The following ROBO2 variants were observed in gnomAD, a reference collection of about 807,000 sequenced individuals.
The protein encoded by ROBO2 is roundabout guidance receptor 2, also known as roundabout homolog 2.
Under a neutral mutation model 160.8 loss-of-function variants are expected in ROBO2, and 53 were observed. The ratio of observed to expected loss-of-function variants is 0.33; its 90% CI spans 0.26 to 0.41. The LOEUF (loss-of-function observed/expected upper bound fraction) is 0.41. Ranked by LOEUF, ROBO2 falls within the 10% of genes least tolerant of loss-of-function variation. The pLI, the probability that ROBO2 is intolerant of heterozygous loss-of-function variation, is 1.00. For missense variants in ROBO2, 1,577 were observed against 1,722.4 expected, an observed-to-expected ratio of 0.92 and a Z score of 1.49; for synonymous variants, 664 against 611.7, an observed-to-expected ratio of 1.09 and a Z score of -1.26.
At chr3:77,579,799 T>G in intron 15 of ROBO2, 148 bp from the exon 17 acceptor site, 1 of 674,802 alleles carries the variant, frequency 1.5e-6, no homozygotes, top group Non-Finnish European at 2.6e-6. Context: ...CTGCAGAGGT[T>G]GGGCTTTAGA....
At chr3:76,679,411 A>T (rs1437610085) in intron 2 of ROBO2, among the ~76,000 whole-genome samples, 1 of 152,076 alleles carries the variant, frequency 6.6e-6, no homozygotes, top group East Asian at 1.9e-4. Context: ...TCTGAGTTAC[A>T]CTGAACTTTT....
intron 2 of ROBO2, among the ~76,000 whole-genome samples, chr3:76,069,622 CT>C (rs34954573): frequency 0.62 from 94,318 of 151,084 alleles, 30,021 homozygotes; most frequent in African/African-American, 0.75. Context: ...AATACCTACA[CT>C]TTTTTTTTAA....
intron 2 of ROBO2, among the ~76,000 whole-genome samples, chr3:77,229,159 G>A (rs2086852911): frequency 6.6e-6 from 1 of 152,120 alleles, no homozygotes; most frequent in Non-Finnish European, 1.5e-5. Flanking sequence ...ATTGGTTATT[G>A]GGAGGGAGAT....
intron 2 of ROBO2, among the ~76,000 whole-genome samples, chr3:76,707,215 T>C (rs1013813721): frequency 7.2e-5 from 11 of 152,070 alleles, no homozygotes; most frequent in African/African-American, 2.7e-4. Flanking sequence ...TTCCCTGGCA[T>C]AACACCAGTA....
At chr3:76,224,207 G>A (rs778098575) in intron 2 of ROBO2, among the ~76,000 whole-genome samples, 4 of 152,186 alleles carry the variant, frequency 2.6e-5, no homozygotes, top group Non-Finnish European at 5.9e-5. Context: ...TTGAGAATGA[G>A]TTTTCTGAAT....
intron 2 of ROBO2, among the ~76,000 whole-genome samples, chr3:76,059,430 T>C (rs62267252): frequency 0.098 from 14,976 of 152,326 alleles, 1,001 homozygotes; most frequent in Non-Finnish European, 0.14. Context: ...ATGTGTTTTC[T>C]GGCTGCATAA....
At chr3:77,014,515 A>G (rs2062115088) in intron 2 of ROBO2, among the ~76,000 whole-genome samples, 2 of 152,192 alleles carry the variant, frequency 1.3e-5, no homozygotes, top group South Asian at 4.1e-4. Context: ...AGCAGTTTTC[A>G]CACTCACTTT....
In ROBO2 at chr3:76,455,370, C is replaced by A. The variant is rs76106337; in HGVS notation, c.109+517768C>A. On this transcript the variant is annotated intron_variant, in intron 2 of 26. Coordinates refer to the ROBO2 transcript ENST00000487694. ...CATTCTCATTATTTGTTTTATAATT[C>A]TTTTTCATATGGTGTCAGTGTTATC... is the stretch of plus-strand genomic sequence containing the variant. Among the ~76,000 whole-genome samples the A allele has an allele frequency of 2.0e-4, 31 of 152,094 alleles. No individual in the cohort carries two copies. In the East Asian group the frequency reaches 4.8e-3, roughly 24 times the overall value.
intron 2 of ROBO2, among the ~76,000 whole-genome samples, chr3:76,970,077 C>T (rs974376344): frequency 7.2e-5 from 11 of 152,154 alleles, no homozygotes; most frequent in East Asian, 3.9e-4. Context: ...CATTTTCTTA[C>T]ATTCCCACCA....
At chr3:76,044,306 A>G (rs1486216492) in intron 2 of ROBO2, among the ~76,000 whole-genome samples, 1 of 152,050 alleles carries the variant, frequency 6.6e-6, no homozygotes, top group Non-Finnish European at 1.5e-5. Context: ...AGCTTGTCCC[A>G]CTTCACCCTT....
intron 18 of ROBO2, 149 bp downstream of exon 19, chr3:77,595,333 A>T: frequency 1.5e-6 from 1 of 663,900 alleles, no homozygotes; most frequent in South Asian, 1.9e-5. Context: ...AAGTTTAATG[A>T]TCTATCTGTT....
intron 2 of ROBO2, among the ~76,000 whole-genome samples, chr3:76,047,735 T>C (rs888564061): frequency 6.6e-6 from 1 of 152,242 alleles, no homozygotes; most frequent in Non-Finnish European, 1.5e-5. Context: ...GCATGATGTA[T>C]GTCTGGAAAG....
At chr3:76,814,575 C>T (rs1248352641) in intron 2 of ROBO2, among the ~76,000 whole-genome samples, 2 of 147,040 alleles carry the variant, frequency 1.4e-5, no homozygotes, top group African/African-American at 2.5e-5. Context: ...CGAAACCATA[C>T]AATACATAAA....
At chr3:76,678,291 C>T (rs1282306149) in intron 2 of ROBO2, among the ~76,000 whole-genome samples, 9 of 151,938 alleles carry the variant, frequency 5.9e-5, no homozygotes, top group Admixed American at 2.6e-4. Context: ...TTTTAATTGT[C>T]GAGTTTTTTC....
chr3:77,077,356 CAT>C (rs2068120790), intron 1 of ROBO2, among the ~76,000 whole-genome samples: 2 of 152,132 alleles, frequency 1.3e-5, no homozygotes, highest in Non-Finnish European at 2.9e-5. Flanking sequence ...GTGAATTAAA[CAT>C]ATACATATAC....
At chr3:76,378,384 G>C (rs1400490518) in intron 2 of ROBO2, among the ~76,000 whole-genome samples, 2 of 152,128 alleles carry the variant, frequency 1.3e-5, no homozygotes, top group African/African-American at 2.4e-5. Flanking sequence ...TCTTTAAAAT[G>C]TGTCAACTTA....
At chr3:77,439,455 G>A (rs1581953059) in intron 2 of ROBO2, among the ~76,000 whole-genome samples, 1 of 151,888 alleles carries the variant, frequency 6.6e-6, no homozygotes. Context: ...CTTATGATAT[G>A]AATTAGAAAT....
Position 76,944,975 on chromosome 3 carries a change from G to A in ROBO2, c.110-153039G>A, listed in dbSNP as rs1469994442. ...GCGATCTCAGCTCACTGCAAACTCT[G>A]CCTCCCGGGTTCACGCCATTCTCCT... On this transcript the variant is annotated intron_variant, in intron 2 of 26. Coordinates refer to the ROBO2 transcript ENST00000487694. Among the ~76,000 whole-genome samples, 3 of 151,748 alleles carry A rather than the reference G, an allele frequency of 2.0e-5. No individual in the cohort carries two copies. The East Asian group carries it at 5.8e-4, about 30-fold the overall frequency.
intron 1 of ROBO2, among the ~76,000 whole-genome samples, chr3:75,932,346 T>G (rs1947581419): frequency 6.6e-6 from 1 of 152,228 alleles, no homozygotes; most frequent in Admixed American, 6.5e-5. Context: ...TCAGTCTGAA[T>G]ATAGAGCCTT....
Sources: allele counts gnomAD v4.1 joint callset (sites outside exome capture counted in the v4.1 genomes callset), GRCh38; gene constraint gnomAD v4.1.1; transcripts MANE v1.5; gene names NCBI Gene and HGNC (gene_info 2026-07-23, HGNC 2026-07-21).